Variants in SAMD5 observed in about 807,000 individuals in gnomAD.
SAMD5 encodes sterile alpha motif domain-containing protein 5.
A neutral mutation model predicts 11.3 loss-of-function variants in SAMD5; 13 were observed. The observed-to-expected ratio is 1.15, with a 90% CI of 0.75 to 1.83. The LOEUF is 1.83. Among genes scored for constraint, SAMD5 ranks in the 40% most tolerant of loss-of-function variants. The pLI is 0.00. For synonymous variants in SAMD5, 129 were observed against 111.3 expected, an observed-to-expected ratio of 1.16 and a Z score of -1.00; for missense variants, 255 against 239.1, an observed-to-expected ratio of 1.07 and a Z score of -0.44.
At chr6:147,538,627 C>CTCT (rs796540070) in intron 1 of SAMD5, among the ~76,000 whole-genome samples, 8 of 152,294 alleles carry the variant, frequency 5.3e-5, no homozygotes, top group African/African-American at 1.9e-4. Flanking sequence ...GCGGGCATAG[C>CTCT]TCTTCGTATG....
At chr6:147,534,577 TTGG>T (rs1488578729) in intron 1 of SAMD5, among the ~76,000 whole-genome samples, 2 of 152,040 alleles carry the variant, frequency 1.3e-5, no homozygotes, top group African/African-American at 4.8e-5. Flanking sequence ...TAAGGATAAC[TTGG>T]TGGGAGGGGC....
chr6:147,790,836 TC>T, the SAMD5 span, among the ~76,000 whole-genome samples: 2 of 136,762 alleles, frequency 1.5e-5, no homozygotes, highest in Non-Finnish European at 3.1e-5. Context: ...CTTCTCTGTC[TC>T]CTCTCTCTCT....
the SAMD5 span, among the ~76,000 whole-genome samples, chr6:147,879,694 T>A: frequency 6.6e-6 from 1 of 152,226 alleles, no homozygotes; most frequent in Non-Finnish European, 1.5e-5. Context: ...GATTGGTTTT[T>A]TTTAAAGCAT....
chr6:147,636,772 C>T (rs1210209017), intron 1 of SAMD5, among the ~76,000 whole-genome samples: 1 of 152,114 alleles, frequency 6.6e-6, no homozygotes, highest in Non-Finnish European at 1.5e-5. Context: ...CCAAATGTTA[C>T]ATTTTACTCA....
the SAMD5 span, among the ~76,000 whole-genome samples, chr6:147,839,588 A>G: frequency 3.9e-5 from 6 of 152,226 alleles, no homozygotes; most frequent in African/African-American, 7.2e-5. Flanking sequence ...AGTCTCTACT[A>G]AAAATACAAA....
chr6:147,801,300 T>C, the SAMD5 span, among the ~76,000 whole-genome samples: 1,177 of 152,256 alleles, frequency 7.7e-3, 5 homozygotes, highest in Non-Finnish European at 0.013. Flanking sequence ...CAGCTATATT[T>C]TTTTTTAGTT....
chr6:147,677,726 T>C (rs78514494), intron 1 of SAMD5, among the ~76,000 whole-genome samples: 2,829 of 152,090 alleles, frequency 0.019, 58 homozygotes, highest in South Asian at 0.07. Flanking sequence ...CCATGGGACA[T>C]CGGCACTGTA....
chr6:147,932,677 T>C, the SAMD5 span, among the ~76,000 whole-genome samples: 8 of 147,996 alleles, frequency 5.4e-5, no homozygotes, highest in Admixed American at 5.5e-4. Flanking sequence ...TGCTCAATCT[T>C]AGAGGAAATG....
At chr6:147,850,052 A>G in the SAMD5 span, among the ~76,000 whole-genome samples, 1 of 152,340 alleles carries the variant, frequency 6.6e-6, no homozygotes, top group East Asian at 1.9e-4. Flanking sequence ...GTATGCTTTA[A>G]TAAATTTGTT....
chr6:147,738,721 A>G (rs1290796899), downstream of SAMD5, among the ~76,000 whole-genome samples: 1 of 152,192 alleles, frequency 6.6e-6, no homozygotes, highest in Non-Finnish European at 1.5e-5. Context: ...AATGCCTGGG[A>G]TGAAAAACCA....
At chr6:147,624,279 T>A (rs1258744759) in intron 1 of SAMD5, among the ~76,000 whole-genome samples, 1 of 152,006 alleles carries the variant, frequency 6.6e-6, no homozygotes, top group African/African-American at 2.4e-5. Flanking sequence ...CAGCTGAGGG[T>A]CCTGATTAGG....
chr6:147,758,511 GT>G, the SAMD5 span, among the ~76,000 whole-genome samples: 4 of 152,208 alleles, frequency 2.6e-5, no homozygotes, highest in Non-Finnish European at 5.9e-5. Flanking sequence ...TATCAGTGAT[GT>G]TGCAAATGTT....
the SAMD5 span, among the ~76,000 whole-genome samples, chr6:147,909,622 T>TCTCTCTC: frequency 4.3e-5 from 3 of 69,762 alleles, no homozygotes; most frequent in African/African-American, 2.4e-4. Flanking sequence ...CTTTCTTTCT[T>TCTCTCTC]TCTTTCTTTC....
chr6:147,509,240 G>T lies in SAMD5; in HGVS notation c.312G>T (p.Gln104His). The T allele has an allele frequency of 6.7e-7, 1 of 1,488,730 alleles. No individual in the cohort carries two copies. The highest frequency in any genetic ancestry group is 3.0e-5 in the East Asian group (1 of 33,396). 92.2% of individuals were successfully genotyped at this position (1,488,730 alleles called of 1,614,324 possible). A position where few individuals can be genotyped will look rare whatever the true frequency, so the allele number is the denominator to read the frequency against. Reference sequence around the variant, plus strand: ...GGGAGCCGTGCGGCGGCCCGGCCCAGGGCACCCGCGGGGACTCTCGCGGCC... The same window carrying T: ...GGGAGCCGTGCGGCGGCCCGGCCCATGGCACCCGCGGGGACTCTCGCGGCC... ...RRGEPCGGPAQGTRGDSRGHT... is the reference protein window; with the variant it reads ...RRGEPCGGPAHGTRGDSRGHT... The change falls in exon 1 of 2, where the codon CAG (glutamine) becomes CAT (histidine). Residue 104 changes from glutamine (Q) to histidine (H), a missense_variant. Coordinates refer to ENST00000367474, the MANE Select transcript of SAMD5 (RefSeq NM_001030060.3).
the SAMD5 span, among the ~76,000 whole-genome samples, chr6:147,919,682 A>G: frequency 6.6e-6 from 1 of 152,184 alleles, no homozygotes; most frequent in Non-Finnish European, 1.5e-5. Flanking sequence ...TGGAATACCA[A>G]TTCCCATTTT....
At chr6:147,788,240 C>T in the SAMD5 span, among the ~76,000 whole-genome samples, 1 of 152,092 alleles carries the variant, frequency 6.6e-6, no homozygotes, top group Non-Finnish European at 1.5e-5. Flanking sequence ...TTTCAGTATA[C>T]ATATTGCACG....
At chr6:147,868,697 T>C in the SAMD5 span, among the ~76,000 whole-genome samples, 1 of 152,220 alleles carries the variant, frequency 6.6e-6, no homozygotes, top group Non-Finnish European at 1.5e-5. Flanking sequence ...TTTAAAAGAA[T>C]GAGAAATTTT....
chr6:147,543,683 C>A (rs1788640878), intron 1 of SAMD5, among the ~76,000 whole-genome samples: 1 of 152,144 alleles, frequency 6.6e-6, no homozygotes, highest in East Asian at 1.9e-4. Flanking sequence ...TTGACAAAGA[C>A]AAATCTGTGA....
At chr6:147,650,779 T>C (rs536377246) in intron 1 of SAMD5, among the ~76,000 whole-genome samples, 14 of 152,130 alleles carry the variant, frequency 9.2e-5, no homozygotes, top group Non-Finnish European at 1.2e-4. Context: ...GGGAAGAGGG[T>C]GATGCGGTTT....
Sources: gnomAD v4.1 joint callset for allele counts (sites outside exome capture counted in the v4.1 genomes callset) on GRCh38, gnomAD v4.1.1 for gene constraint, MANE v1.5 for transcripts, NCBI Gene and HGNC (gene_info 2026-07-23, HGNC 2026-07-21) for gene names.